The following RARB variants were observed in gnomAD, a reference collection of about 807,000 sequenced individuals.
RARB encodes the protein retinoic acid receptor beta.
A neutral mutation model predicts 51.9 loss-of-function variants in RARB; 17 were observed. That is an observed-to-expected ratio of 0.33 (90% CI 0.22 to 0.49). The LOEUF (loss-of-function observed/expected upper bound fraction) is 0.49. Among genes scored for constraint, RARB ranks in the 20% least tolerant of loss-of-function variants. The pLI is 0.99. For missense variants in RARB, 369 were observed against 550.8 expected (o/e 0.67, Z 3.30); for synonymous variants, 215 against 195.4 (o/e 1.10, Z -0.84).
At chr3:24,882,574 C>T (rs953886791) in intron 2 of RARB, among the ~76,000 whole-genome samples, 2 of 152,128 alleles carry the variant, frequency 1.3e-5, no homozygotes, top group Non-Finnish European at 1.5e-5. Flanking sequence ...ATCTATGGGA[C>T]CATAATAACA....
At chr3:24,900,269 G>A (rs1220725550) in intron 2 of RARB, among the ~76,000 whole-genome samples, 1 of 149,270 alleles carries the variant, frequency 6.7e-6, no homozygotes, top group Non-Finnish European at 1.5e-5. Flanking sequence ...AAGTCTGAAG[G>A]AATTGTTTTT....
At chr3:25,099,014 G>A (rs915821285) in intron 3 of RARB, among the ~76,000 whole-genome samples, 1 of 152,112 alleles carries the variant, frequency 6.6e-6, no homozygotes, top group Non-Finnish European at 1.5e-5. Flanking sequence ...TGAAAGCTGG[G>A]GCTTGGGTCC....
intron 3 of RARB, among the ~76,000 whole-genome samples, chr3:25,512,869 A>G (rs1697964326): frequency 1.3e-5 from 2 of 152,130 alleles, no homozygotes; most frequent in African/African-American, 4.8e-5. Context: ...GGGAAAACTC[A>G]TCGCACAGAA....
Position 25,559,794 on chromosome 3 carries a change from A to G in RARB, c.449-9964A>G, listed in dbSNP as rs112332445. Among the ~76,000 whole-genome samples the G allele has an allele frequency of 2.6e-3, 394 of 152,318 alleles. 5 individuals are homozygous for G. Among genetic ancestry groups the G allele is most frequent in the African/African-American group, 9.1e-3 (379 of 41,578 alleles). Reference sequence around the variant, plus strand: ...GATGAAAGGATGGACAGATGGACAAATGGATGGATAGGTGGATCAATGGAT... The same window carrying G: ...GATGAAAGGATGGACAGATGGACAAGTGGATGGATAGGTGGATCAATGGAT... On this transcript the variant is annotated intron_variant, in intron 3 of 7. Transcript: ENST00000330688.
At chr3:25,111,027 G>A (rs1699591925) in intron 3 of RARB, among the ~76,000 whole-genome samples, 1 of 152,120 alleles carries the variant, frequency 6.6e-6, no homozygotes, top group South Asian at 2.1e-4. Context: ...CTAACATCTT[G>A]GCTCTCTTTC....
intron 5 of RARB, among the ~76,000 whole-genome samples, chr3:25,411,505 C>T (rs929381313): frequency 2.0e-5 from 3 of 152,294 alleles, no homozygotes; most frequent in East Asian, 1.9e-4. Context: ...TATTTCCCTA[C>T]GCGAATCACC....
chr3:25,036,253 C>T (rs1246791516), intron 2 of RARB, among the ~76,000 whole-genome samples: 4 of 152,114 alleles, frequency 2.6e-5, no homozygotes, highest in African/African-American at 7.2e-5. Context: ...ATCTTTAGCT[C>T]CCTCTGCTGT....
At chr3:25,005,299 T>C (rs1697247272) in intron 2 of RARB, among the ~76,000 whole-genome samples, 2 of 152,246 alleles carry the variant, frequency 1.3e-5, no homozygotes, top group Middle Eastern at 3.4e-3. Context: ...TCTAAAACAT[T>C]TATCATTTTA....
chr3:24,931,659 C>T (rs1457040460), intron 2 of RARB, among the ~76,000 whole-genome samples: 1 of 152,080 alleles, frequency 6.6e-6, no homozygotes, highest in Admixed American at 6.6e-5. Context: ...CTGAACAACT[C>T]TTGTAGACCT....
intron 4 of RARB, among the ~76,000 whole-genome samples, chr3:25,150,876 G>C (rs1700276549): frequency 6.6e-6 from 1 of 152,160 alleles, no homozygotes; most frequent in Admixed American, 6.5e-5. Flanking sequence ...GGTGTGCATG[G>C]GAATAGTAAT....
At chr3:25,121,155 C>T (rs1699777869) in intron 3 of RARB, among the ~76,000 whole-genome samples, 1 of 152,096 alleles carries the variant, frequency 6.6e-6, no homozygotes, top group Non-Finnish European at 1.5e-5. Flanking sequence ...GAAGGCTATA[C>T]TGGAAAGATC....
At chr3:25,195,864 T>C (rs116758622) in intron 5 of RARB, among the ~76,000 whole-genome samples, 5,188 of 152,084 alleles carry the variant, frequency 0.034, 118 homozygotes, top group Middle Eastern at 0.095. Context: ...TATATAAATA[T>C]ATCTGAAGTA....
chr3:25,193,660 A>G lies in RARB; in HGVS notation c.178+19085A>G, dbSNP rs74720562. 2.5e-3 allele frequency among the ~76,000 whole-genome samples: 378 copies of G among 152,122 alleles called. 8 individuals carry two copies. Among genetic ancestry groups the G allele is most frequent in the East Asian group, 0.019 (97 of 5,152 alleles). On this transcript the variant is annotated intron_variant, in intron 5 of 11. Coordinates refer to the RARB transcript ENST00000383772. The stretch of plus-strand genomic sequence containing the variant: ...GCTACACTGGAATATATTCTTTGCT[A>G]GCAGCTGTTGTGATATTTTATAGCG...
At chr3:24,925,196 AG>A in intron 2 of RARB, among the ~76,000 whole-genome samples, 1 of 152,284 alleles carries the variant, frequency 6.6e-6, no homozygotes, top group East Asian at 1.9e-4. Flanking sequence ...TATTTACTAA[AG>A]GAAAGAATAT....
chr3:25,329,185 C>T (rs992312002), intron 5 of RARB, among the ~76,000 whole-genome samples: 89 of 152,200 alleles, frequency 5.8e-4, no homozygotes, highest in Non-Finnish European at 7.3e-4. Context: ...GTGGTTCTCC[C>T]AGCACGGAGT....
At chr3:25,374,727 G>A (rs1034014904) in intron 5 of RARB, among the ~76,000 whole-genome samples, 3 of 152,108 alleles carry the variant, frequency 2.0e-5, no homozygotes, top group African/African-American at 7.2e-5. Flanking sequence ...GCAAATGGAA[G>A]CCATCCTCCA....
intron 2 of RARB, among the ~76,000 whole-genome samples, chr3:24,863,367 T>G (rs1702790244): frequency 1.3e-5 from 2 of 152,158 alleles, no homozygotes; most frequent in African/African-American, 4.8e-5. Context: ...AAAACGCTGA[T>G]AGTTAAACAG....
intron 5 of RARB, among the ~76,000 whole-genome samples, chr3:25,271,113 A>T (rs551366009): frequency 3.3e-5 from 5 of 152,344 alleles, no homozygotes; most frequent in African/African-American, 1.2e-4. Flanking sequence ...CTCTAATTTT[A>T]GCATCAAAAT....
chr3:24,850,278 A>G (rs1702539905), intron 1 of RARB, among the ~76,000 whole-genome samples: 1 of 152,206 alleles, frequency 6.6e-6, no homozygotes, highest in South Asian at 2.1e-4. Flanking sequence ...TTACTCATGT[A>G]GTCTCTAAGG....
Sources: gnomAD v4.1 joint callset for allele counts (sites outside exome capture counted in the v4.1 genomes callset) on GRCh38, gnomAD v4.1.1 for gene constraint, MANE v1.5 for transcripts, NCBI Gene and HGNC (gene_info 2026-07-23, HGNC 2026-07-21) for gene names.